SLC30A6: variants seen among roughly 807,000 people sequenced by gnomAD.
SLC30A6 encodes zinc transporter 6.
A neutral mutation model predicts 63.0 loss-of-function variants in SLC30A6; 55 were observed. The observed-to-expected ratio is 0.87, with a 90% CI of 0.70 to 1.09. The LOEUF is 1.09. Among genes scored for constraint, SLC30A6 ranks in the 50% least tolerant of loss-of-function variants. The pLI is 0.00. For missense variants in SLC30A6, 587 were observed against 549.2 expected, an observed-to-expected ratio of 1.07 and a Z score of -0.69; for synonymous variants, 224 against 186.1, an observed-to-expected ratio of 1.20 and a Z score of -1.66.
chr2:32,220,448 C>T lies in SLC30A6; in HGVS notation c.1121C>T (p.Thr374Ile), dbSNP rs1297231814. ...LKGTDDLNPV[T>I]STPAKPSSPP... ...GGTACTGATGATTTGAACCCAGTTA[C>T]ATCAACTCCAGCTAAACCTAGTAGT... Residue 374 changes from threonine to isoleucine, a missense_variant, in exon 14 of 14, where the codon ACA becomes ATA. By Grantham distance (89) the Thr-to-Ile change is moderately conservative. Transcript: ENST00000282587. 1.2e-6 allele frequency: 2 copies of T among 1,614,214 alleles called. No homozygotes were observed. The highest frequency in any genetic ancestry group is 2.7e-5 in the African/African-American group (2 of 75,062).
intron 2 of SLC30A6, among the ~76,000 whole-genome samples, chr2:32,172,191 A>G (rs559386383): frequency 2.6e-5 from 4 of 152,298 alleles, no homozygotes; most frequent in African/African-American, 9.6e-5. Context: ...ATAGAAGTAC[A>G]ATATAAACAT....
intron 12 of SLC30A6, among the ~76,000 whole-genome samples, chr2:32,207,313 C>G (rs573367816): frequency 2.4e-4 from 36 of 151,814 alleles, no homozygotes; most frequent in African/African-American, 8.5e-4. Context: ...CAGGCTCAAG[C>G]AATTCTCCTT....
intron 12 of SLC30A6, among the ~76,000 whole-genome samples, chr2:32,207,971 T>TA (rs1460354262): frequency 6.6e-6 from 1 of 151,900 alleles, no homozygotes; most frequent in African/African-American, 2.4e-5. Flanking sequence ...GTGCTGGGGT[T>TA]ACAGGCATGA....
chr2:32,165,959 T>C, intron 1 of SLC30A6, 56 bp downstream of exon 1: 1 of 1,613,822 alleles, frequency 6.2e-7, no homozygotes. Flanking sequence ...TTTATCTTAT[T>C]TGGTCCCGAA....
At chr2:32,176,088 T>G (rs563688394) in intron 4 of SLC30A6, among the ~76,000 whole-genome samples, 2 of 152,140 alleles carry the variant, frequency 1.3e-5, no homozygotes, top group Non-Finnish European at 2.9e-5. Context: ...CTCAGAGGGC[T>G]AATTTTGCTA....
chr2:32,207,943 C>G (rs1684923023), intron 12 of SLC30A6, among the ~76,000 whole-genome samples: 1 of 151,554 alleles, frequency 6.6e-6, no homozygotes, highest in Admixed American at 6.6e-5. Context: ...CGTGATCCAC[C>G]CACCTCGACC....
rs760346032 is a variant in SLC30A6, at chr2:32,175,316, C to A, written c.176-3C>A. 2 of 1,609,340 alleles carry A rather than the reference C, an allele frequency of 1.2e-6. No homozygotes were observed. The highest frequency in any genetic ancestry group is 1.7e-6 in the Non-Finnish European group (2 of 1,178,622). On this transcript the variant is annotated splice_polypyrimidine_tract_variant and splice_region_variant and intron_variant, in intron 3 of 13. Transcript: ENST00000282587. ...TTTTAATCATTTTTTTGTTGTTTTG[C>A]AGCTTTAACTGCCTATACTTACCTG...
At chr2:32,176,524 G>A (rs1282638347) in intron 4 of SLC30A6, among the ~76,000 whole-genome samples, 2 of 151,654 alleles carry the variant, frequency 1.3e-5, no homozygotes, top group Non-Finnish European at 2.9e-5. Flanking sequence ...CAGGCATGGT[G>A]GTGGGCATCT....
chr2:32,202,114 G>A (rs1684342483), intron 10 of SLC30A6: 1 of 745,014 alleles, frequency 1.3e-6, no homozygotes, highest in Non-Finnish European at 2.2e-6. Flanking sequence ...TGAACAGAAA[G>A]AAGGAACCTT....
intron 4 of SLC30A6, among the ~76,000 whole-genome samples, chr2:32,179,851 G>T (rs1682130440): frequency 6.6e-6 from 1 of 152,310 alleles, no homozygotes; most frequent in African/African-American, 2.4e-5. Flanking sequence ...CTTTGAAGAG[G>T]AAGACTCTGG....
chr2:32,170,213 A>G (rs1681076206), intron 1 of SLC30A6, among the ~76,000 whole-genome samples: 2 of 152,224 alleles, frequency 1.3e-5, no homozygotes, highest in East Asian at 1.9e-4. Flanking sequence ...TCAGTCAAGT[A>G]CTCTATAAAT....
chr2:32,200,079 C>T (rs1049158406), intron 10 of SLC30A6, among the ~76,000 whole-genome samples: 12 of 149,970 alleles, frequency 8.0e-5, no homozygotes, highest in Admixed American at 4.0e-4. Context: ...GACATATATA[C>T]ACACACACAC....
intron 12 of SLC30A6, among the ~76,000 whole-genome samples, chr2:32,207,144 A>T (rs1684841326): frequency 6.6e-6 from 1 of 152,164 alleles, no homozygotes; most frequent in Non-Finnish European, 1.5e-5. Context: ...CTTGAAGTGA[A>T]TGTGGAAGGT....
At position 32,209,361 on chromosome 2, in the gene SLC30A6, C is replaced by T. The variant is rs1471714048; in HGVS notation, c.817-132C>T. The stretch of plus-strand genomic sequence containing the variant: ...GTATCTTGAGTGGTCTGAGACTTCT[C>T]TTAGCTAATGAGTGTCCTTGTGCAG... On this transcript the variant is annotated intron_variant, in intron 12 of 13. Coordinates refer to ENST00000282587, the MANE Select transcript of SLC30A6 (RefSeq NM_017964.5). 6.3e-6 allele frequency: 4 copies of T among 636,384 alleles called. No individual in the cohort carries two copies. The East Asian group carries it at 1.2e-4, about 19-fold the overall frequency. 39.4% of individuals were successfully genotyped at this position (636,384 alleles called of 1,614,324 possible).
chr2:32,202,494 TA>T (rs1282594830), intron 10 of SLC30A6: 1 of 274,846 alleles, frequency 3.6e-6, no homozygotes, highest in African/African-American at 2.3e-5. Flanking sequence ...CACCCCCGAC[TA>T]TTTTTTTTTG....
At chr2:32,186,218 A>G (rs1438017513) in intron 5 of SLC30A6, among the ~76,000 whole-genome samples, 1 of 152,184 alleles carries the variant, frequency 6.6e-6, no homozygotes, top group Non-Finnish European at 1.5e-5. Flanking sequence ...TAGTTTTAGT[A>G]GAGATGGAGT....
chr2:32,181,933 CTTTTTTT>C (rs34589397), intron 4 of SLC30A6, among the ~76,000 whole-genome samples: 26 of 122,934 alleles, frequency 2.1e-4, no homozygotes, highest in African/African-American at 7.0e-4. Flanking sequence ...TTTTTCTTTT[CTTTTTTT>C]TTTTTTTTTT....
At position 32,167,382 on chromosome 2, in the gene SLC30A6, C is replaced by CT. The variant is rs11293465; in HGVS notation, c.3+1498dup. ...GAGCCACCGTGCCAGGCCACAAACT[C>CT]TTTTTTTTTTTTTTTTTTTAATGCA... On this transcript the variant is annotated intron_variant, in intron 1 of 13. Coordinates refer to ENST00000282587, the MANE Select transcript of SLC30A6 (RefSeq NM_017964.5). Among the ~76,000 whole-genome samples, 1,279 of 132,516 alleles carry CT rather than the reference C, an allele frequency of 9.7e-3. 21 individuals are homozygous for CT. Among genetic ancestry groups the CT allele is most frequent in the African/African-American group, 0.025 (881 of 35,750 alleles). The allele number at this position is 132,516 out of a possible 152,430, so 86.9% of individuals were successfully genotyped here. A position where few individuals can be genotyped will look rare whatever the true frequency, so the allele number is the denominator to read the frequency against.
intron 6 of SLC30A6, 73 bp from the exon 7 acceptor site, chr2:32,192,845 A>G (rs956499226): frequency 1.0e-6 from 1 of 954,722 alleles, no homozygotes; most frequent in East Asian, 3.0e-5. Context: ...AAGGTGGGTG[A>G]ATGATATATT....
Sources: allele counts gnomAD v4.1 joint callset (sites outside exome capture counted in the v4.1 genomes callset), GRCh38; gene constraint gnomAD v4.1.1; transcripts MANE v1.5; gene names NCBI Gene and HGNC (gene_info 2026-07-23, HGNC 2026-07-21).